Variants in CAMK2B observed in about 807,000 individuals in gnomAD.
CAMK2B encodes the protein calcium/calmodulin dependent protein kinase II beta.
Under a neutral mutation model 93.7 loss-of-function variants are expected in CAMK2B, and 27 were observed. The observed-to-expected ratio is 0.29, with a 90% CI of 0.21 to 0.40. The LOEUF (loss-of-function observed/expected upper bound fraction) is 0.40, where lower values mean the gene tolerates loss of function less well. CAMK2B is among the 10% of genes least tolerant of loss of function. CAMK2B has a pLI of 1.00. For synonymous variants in CAMK2B, 374 were observed against 358.8 expected, an observed-to-expected ratio of 1.04 and a Z score of -0.48; for missense variants, 568 against 895.8, an observed-to-expected ratio of 0.63 and a Z score of 4.67.
At chr7:44,278,001 T>C (rs1178197571) in intron 2 of CAMK2B, among the ~76,000 whole-genome samples, 2 of 152,188 alleles carry the variant, frequency 1.3e-5, no homozygotes, top group African/African-American at 4.8e-5. Context: ...CTCCCACGTT[T>C]TCACAGGCTC....
chr7:44,262,880 AT>A, intron 3 of CAMK2B, 124 bp downstream of exon 3: 1 of 822,850 alleles, frequency 1.2e-6, no homozygotes, highest in South Asian at 1.8e-5. Flanking sequence ...CTGGTGGGAT[AT>A]TTCAACAGAG....
chr7:44,234,288 CG>C, intron 15 of CAMK2B, 101 bp downstream of exon 15: 4 of 1,048,454 alleles, frequency 3.8e-6, no homozygotes, highest in Non-Finnish European at 5.4e-6. Context: ...ACAGGCCAGG[CG>C]GGGCCAGACC....
chr7:44,259,249 C>A, intron 3 of CAMK2B: 1 of 293,888 alleles, frequency 3.4e-6, no homozygotes, highest in Admixed American at 4.0e-5. Flanking sequence ...CTTTTGGTCC[C>A]AGCCTGGGCC....
chr7:44,325,870 C>T (rs1797412392), upstream of CAMK2B: 1 of 145,658 alleles, frequency 6.9e-6, no homozygotes, highest in African/African-American at 2.6e-5. Context: ...CCCGCCCCCG[C>T]ACCCCACACA....
rs536075814 is a variant in CAMK2B, at chr7:44,303,916, G to C, written c.66-19691C>G. Among the ~76,000 whole-genome samples the C allele has an allele frequency of 4.6e-5, 7 of 152,260 alleles. No individual in the cohort carries two copies. In the South Asian group the frequency reaches 1.4e-3, roughly 32 times the overall value. On this transcript the variant is annotated intron_variant, in intron 1 of 23. Coordinates refer to ENST00000395749, the MANE Select transcript of CAMK2B (RefSeq NM_001220.5). Reference sequence around the variant, plus strand: ...AAATTCAACAATATAGAAACAACCAGTTTAAAAATGGGCAAAAGATCTGAA... The same window carrying C: ...AAATTCAACAATATAGAAACAACCACTTTAAAAATGGGCAAAAGATCTGAA...
rs1005627419 is a variant in CAMK2B, at chr7:44,241,803, C to T, written c.820-20G>A. On this transcript the variant is annotated intron_variant, in intron 10 of 23. Coordinates refer to ENST00000395749, the MANE Select transcript of CAMK2B (RefSeq NM_001220.5). ...GCGTTGCTGTGGGGAAATGGGTGGTCATATGGCAGCCGAGCCCGAGGCACA... is the reference window on the plus strand; with the variant it reads ...GCGTTGCTGTGGGGAAATGGGTGGTTATATGGCAGCCGAGCCCGAGGCACA... 6.2e-7 allele frequency: 1 copy of T among 1,600,446 alleles called. No individual in the cohort carries two copies. Among genetic ancestry groups the T allele is most frequent in the Non-Finnish European group, 8.6e-7 (1 of 1,168,578 alleles).
chr7:44,254,235 G>T (rs2096810626), intron 5 of CAMK2B, among the ~76,000 whole-genome samples: 1 of 152,214 alleles, frequency 6.6e-6, no homozygotes. Context: ...AGGGCTGCCT[G>T]AGGGTCCACG....
At chr7:44,318,217 T>C (rs73317797) in intron 1 of CAMK2B, among the ~76,000 whole-genome samples, 5,886 of 152,316 alleles carry the variant, frequency 0.039, 388 homozygotes, top group African/African-American at 0.13. Flanking sequence ...AGCTGAAAGC[T>C]GCAAGCCTCT....
intron 17 of CAMK2B, among the ~76,000 whole-genome samples, chr7:44,230,658 G>A (rs918492120): frequency 2.6e-5 from 4 of 152,210 alleles, no homozygotes; most frequent in Admixed American, 6.5e-5. Flanking sequence ...AGCTTAAGGA[G>A]CTTTAAGACA....
rs1792675480 is a variant in CAMK2B at position 44,308,833 on chromosome 7, C to G, written c.65+16524G>C. Among the ~76,000 whole-genome samples the G allele has an allele frequency of 2.6e-5, 4 of 152,330 alleles. No individual in the cohort carries two copies. In the South Asian group the frequency reaches 8.3e-4, roughly 32 times the overall value. ...CAGGCGGTGTGCGAGCCCCTCGTCT[C>G]TCCTCACAAGAGACCAGGGGCTGAG... On this transcript the variant is annotated intron_variant, in intron 1 of 23. Transcript: ENST00000395749.
intron 1 of CAMK2B, among the ~76,000 whole-genome samples, chr7:44,288,853 G>A (rs35863385): frequency 0.029 from 4,403 of 152,128 alleles, 124 homozygotes; most frequent in East Asian, 0.053. Context: ...CAGGCTTCTC[G>A]CGCGATAATG....
At chr7:44,298,919 C>CT (rs1483791990) in intron 1 of CAMK2B, among the ~76,000 whole-genome samples, 2 of 152,100 alleles carry the variant, frequency 1.3e-5, no homozygotes, top group African/African-American at 4.8e-5. Flanking sequence ...GTGTAGAGGA[C>CT]TTGGAACCCT....
At chr7:44,223,268 G>A (rs1175653970) in intron 20 of CAMK2B, among the ~76,000 whole-genome samples, 2 of 152,210 alleles carry the variant, frequency 1.3e-5, no homozygotes, top group African/African-American at 4.8e-5. Flanking sequence ...TGACCCAGCT[G>A]TACTTCTGCT....
At chr7:44,268,761 C>G (rs2096943024) in intron 2 of CAMK2B, 1 of 152,372 alleles carries the variant, frequency 6.6e-6, no homozygotes, top group African/African-American at 2.4e-5. Context: ...TGGCACCCAC[C>G]ACCATGAAGG....
intron 4 of CAMK2B, among the ~76,000 whole-genome samples, chr7:44,255,397 C>A (rs952770097): frequency 6.6e-6 from 1 of 152,172 alleles, no homozygotes; most frequent in Non-Finnish European, 1.5e-5. Flanking sequence ...GGGAGTAGGA[C>A]GGAGCCCTCT....
At position 44,311,797 on chromosome 7, in the gene CAMK2B, G is replaced by A. The variant is rs1793633712; in HGVS notation, c.65+13560C>T. On this transcript the variant is annotated intron_variant, in intron 1 of 23. Transcript: ENST00000395749. The surrounding 1 kb of genome is among the most constrained non-coding windows in gnomAD (Gnocchi z 4.2). The stretch of plus-strand genomic sequence containing the variant: ...GCTCCCACCTGCAGACAGGACAAGG[G>A]GAAGGGGTGTGTGACTGACTCTGCC... 6.6e-6 allele frequency among the ~76,000 whole-genome samples: 1 copy of A among 152,218 alleles called. No homozygotes were observed. Among genetic ancestry groups the A allele is most frequent in the Non-Finnish European group, 1.5e-5 (1 of 68,030 alleles).
chr7:44,279,421 G>C (rs1044629688), intron 2 of CAMK2B, among the ~76,000 whole-genome samples: 8 of 152,218 alleles, frequency 5.3e-5, no homozygotes, highest in African/African-American at 1.9e-4. Flanking sequence ...AAGCAGAAAG[G>C]GGTCGGCCTG....
chr7:44,262,119 G>T (rs930459392), intron 3 of CAMK2B, among the ~76,000 whole-genome samples: 2 of 152,246 alleles, frequency 1.3e-5, no homozygotes, highest in African/African-American at 4.8e-5. Flanking sequence ...GGTGATGAGG[G>T]TTCAGCGACC....
chr7:44,225,494 C>T lies in CAMK2B; in HGVS notation c.1597+1022G>A, dbSNP rs1441600880. 1.3e-5 allele frequency among the ~76,000 whole-genome samples: 2 copies of T among 152,182 alleles called. No homozygotes were observed. The highest frequency in any genetic ancestry group is 4.8e-5 in the African/African-American group (2 of 41,436). On this transcript the variant is annotated intron_variant, in intron 20 of 23. Coordinates refer to ENST00000395749, the MANE Select transcript of CAMK2B (RefSeq NM_001220.5). This position sits in a 1 kb window ranked among gnomAD's most constrained non-coding sequence, Gnocchi z 5.0. ...CCCTCAGCTGCTTGCCTCTGATCCC[C>T]TCAGTCAACCCCTGCTGGGGGTCCT...
Sources: gnomAD v4.1 joint callset for allele counts (sites outside exome capture counted in the v4.1 genomes callset) on GRCh38, gnomAD v4.1.1 for gene constraint, Gnocchi (gnomAD v3.1) non-coding constraint, MANE v1.5 for transcripts, NCBI Gene and HGNC (gene_info 2026-07-23, HGNC 2026-07-21) for gene names.